Variants in CLVS1 observed in about 807,000 individuals in gnomAD.
The protein encoded by CLVS1 is clavesin-1.
Under a neutral mutation model 33.1 loss-of-function variants are expected in CLVS1, and 10 were observed. The observed-to-expected ratio is 0.30, with a 90% CI of 0.19 to 0.51. The LOEUF is 0.51. Among genes scored for constraint, CLVS1 ranks in the 20% least tolerant of loss-of-function variants. CLVS1 has a pLI of 0.97. For synonymous variants in CLVS1, 163 were observed against 166.1 expected (o/e 0.98, Z 0.14); for missense variants, 343 against 433.4 (o/e 0.79, Z 1.85).
intron 3 of CLVS1, among the ~76,000 whole-genome samples, chr8:61,412,227 A>G (rs891201106): frequency 6.6e-6 from 1 of 152,188 alleles, no homozygotes; most frequent in Non-Finnish European, 1.5e-5. Flanking sequence ...TAAGACATAC[A>G]TTTTTCATTA....
intron 2 of CLVS1, among the ~76,000 whole-genome samples, chr8:61,346,676 T>A (rs1036436748): frequency 1.3e-5 from 2 of 152,184 alleles, no homozygotes; most frequent in Non-Finnish European, 2.9e-5. Context: ...AGTATTCATT[T>A]GACAAACACT....
the CLVS1 span, among the ~76,000 whole-genome samples, chr8:61,026,683 T>TAGAAATAAC: frequency 6.6e-5 from 10 of 152,288 alleles, no homozygotes; most frequent in Admixed American, 3.9e-4. Flanking sequence ...TGGCTAATCA[T>TAGAAATAAC]AGAAATAACT....
intron 2 of CLVS1, among the ~76,000 whole-genome samples, chr8:61,140,044 A>G (rs1037741188): frequency 1.3e-5 from 2 of 152,158 alleles, no homozygotes; most frequent in South Asian, 2.1e-4. Context: ...ACGGACCCCA[A>G]GCTGCCCAAG....
chr8:61,272,543 C>T (rs1184598800), intron 2 of CLVS1, among the ~76,000 whole-genome samples: 9 of 152,106 alleles, frequency 5.9e-5, no homozygotes, highest in African/African-American at 1.9e-4. Context: ...GTTGGCCTGC[C>T]TTGCTAGATT....
chr8:61,161,798 C>A (rs1307125769), intron 2 of CLVS1, among the ~76,000 whole-genome samples: 1 of 152,124 alleles, frequency 6.6e-6, no homozygotes, highest in East Asian at 1.9e-4. Context: ...TAAATGTTCT[C>A]ATCGCAAAAA....
chr8:61,331,823 T>TCCTCTTCC (rs1563499886), intron 2 of CLVS1, among the ~76,000 whole-genome samples: 1 of 141,986 alleles, frequency 7.0e-6, no homozygotes, highest in East Asian at 2.3e-4. Flanking sequence ...CCTCCTCCTC[T>TCCTCTTCC]TCCTCCTCCT....
At chr8:61,189,376 C>T (rs1437899036) in intron 2 of CLVS1, among the ~76,000 whole-genome samples, 1 of 152,150 alleles carries the variant, frequency 6.6e-6, no homozygotes, top group Non-Finnish European at 1.5e-5. Context: ...GAAGGAAGCA[C>T]TAAACATGGA....
At chr8:61,192,278 G>A (rs991510654) in intron 2 of CLVS1, among the ~76,000 whole-genome samples, 36 of 152,096 alleles carry the variant, frequency 2.4e-4, no homozygotes, top group African/African-American at 8.7e-4. Context: ...AAATGGGAGA[G>A]GATTCCCTAT....
At chr8:61,003,288 GTA>G in the CLVS1 span, among the ~76,000 whole-genome samples, 2 of 152,178 alleles carry the variant, frequency 1.3e-5, no homozygotes, top group Admixed American at 6.5e-5. Context: ...AAAAGAAAAA[GTA>G]TGGTTCTGGG....
At chr8:61,081,503 T>G (rs971008971) in intron 1 of CLVS1, among the ~76,000 whole-genome samples, 1 of 152,154 alleles carries the variant, frequency 6.6e-6, no homozygotes, top group Non-Finnish European at 1.5e-5. Context: ...TAGGGAGGAT[T>G]GCTGCAGGAT....
chr8:61,497,852 C>T (rs72657079), intron 5 of CLVS1, among the ~76,000 whole-genome samples: 4,680 of 152,198 alleles, frequency 0.031, 114 homozygotes, highest in Middle Eastern at 0.092. Context: ...TTCATGCCTC[C>T]GCTTTTTAGA....
chr8:61,376,494 C>A (rs1813647969), intron 2 of CLVS1, 111 bp from the exon 3 acceptor site: 5 of 960,226 alleles, frequency 5.2e-6, no homozygotes, highest in Admixed American at 4.5e-5. Flanking sequence ...CAGTGTGACC[C>A]TCCAGGCGGG....
At chr8:61,428,462 A>G (rs979001301) in intron 3 of CLVS1, among the ~76,000 whole-genome samples, 17 of 152,240 alleles carry the variant, frequency 1.1e-4, no homozygotes, top group African/African-American at 4.1e-4. Flanking sequence ...AGAAAGGATG[A>G]TGGCATTACA....
intron 2 of CLVS1, among the ~76,000 whole-genome samples, chr8:61,231,832 A>C (rs1808438651): frequency 1.3e-5 from 2 of 152,126 alleles, no homozygotes; most frequent in Admixed American, 6.5e-5. Context: ...ACCCATCCCT[A>C]GCAAGGAAGT....
intron 2 of CLVS1, among the ~76,000 whole-genome samples, chr8:61,320,635 T>C (rs1309963636): frequency 1.3e-5 from 2 of 152,222 alleles, no homozygotes; most frequent in African/African-American, 4.8e-5. Flanking sequence ...ATTCAGTGTC[T>C]GGCGAGGGCC....
chr8:61,221,502 T>A (rs985543328), intron 2 of CLVS1, among the ~76,000 whole-genome samples: 3 of 152,228 alleles, frequency 2.0e-5, no homozygotes, highest in Non-Finnish European at 4.4e-5. Flanking sequence ...GATTTGTGTA[T>A]GTTGAATAAG....
intron 2 of CLVS1, among the ~76,000 whole-genome samples, chr8:61,146,935 A>C (rs973408511): frequency 7.2e-5 from 11 of 152,232 alleles, no homozygotes; most frequent in African/African-American, 2.7e-4. Flanking sequence ...TCTTTAGTTA[A>C]AGACACCCTT....
intron 2 of CLVS1, among the ~76,000 whole-genome samples, chr8:61,350,002 T>C (rs1232222102): frequency 1.3e-5 from 2 of 152,158 alleles, no homozygotes; most frequent in African/African-American, 4.8e-5. Context: ...GATAGACTAA[T>C]ACATGTATGG....
intron 2 of CLVS1, among the ~76,000 whole-genome samples, chr8:61,311,543 C>T (rs1440956680): frequency 1.3e-5 from 2 of 152,124 alleles, no homozygotes; most frequent in African/African-American, 2.4e-5. Flanking sequence ...CCTGCGTGCC[C>T]GGGTGGCTGC....
Sources: gnomAD v4.1 joint callset for allele counts (sites outside exome capture counted in the v4.1 genomes callset) on GRCh38, gnomAD v4.1.1 for gene constraint, MANE v1.5 for transcripts, NCBI Gene and HGNC (gene_info 2026-07-23, HGNC 2026-07-21) for gene names.